ZNF536: variants seen among roughly 807,000 people sequenced by gnomAD.
ZNF536 encodes the protein zinc finger protein 536.
ZNF536 carries 13 observed loss-of-function variants against 84.5 expected under a neutral mutation model. The observed-to-expected ratio is 0.15, with a 90% CI of 0.10 to 0.24. The LOEUF is 0.24. Among genes scored for constraint, ZNF536 ranks in the 10% least tolerant of loss-of-function variants. ZNF536 has a pLI of 1.00. For synonymous variants in ZNF536, 811 were observed against 742.5 expected (o/e 1.09, Z -1.50); for missense variants, 1,536 against 1,747.5 (o/e 0.88, Z 2.16).
At chr19:30,309,507 A>G (rs2046435552) in intron 2 of ZNF536, among the ~76,000 whole-genome samples, 1 of 152,176 alleles carries the variant, frequency 6.6e-6, no homozygotes, top group African/African-American at 2.4e-5. Flanking sequence ...GCGGCTGAAA[A>G]GGCGCACTGC....
In ZNF536 at chr19:30,557,497, G is replaced by GTTTTTTAA; in HGVS notation, c.*334_*335insTTTTTAAT. On this transcript the variant is annotated 3_prime_UTR_variant, in exon 5 of 5. Transcript: ENST00000355537. ...TGCTGGATGACAGATCCCTTCACCT[G>GTTTTTTAA]TGGACAACCTGGCTGGGGGTGGGGG... is the stretch of plus-strand genomic sequence containing the variant. 1.7e-5 allele frequency: 4 copies of GTTTTTTAA among 232,232 alleles called. No homozygotes were observed. The highest frequency in any genetic ancestry group is 2.4e-4 in the South Asian group (2 of 8,356). The allele number at this position is 232,232 out of a possible 1,614,324, so 14.4% of individuals were successfully genotyped here. A position where few individuals can be genotyped will look rare whatever the true frequency, so the allele number is the denominator to read the frequency against.
chr19:30,487,183 A>G (rs1222911886), intron 2 of ZNF536, among the ~76,000 whole-genome samples: 1 of 152,204 alleles, frequency 6.6e-6, no homozygotes. Flanking sequence ...CTGAGAATCT[A>G]TTTTAAGAAA....
chr19:30,404,554 AT>A (rs1568396671), intron 1 of ZNF536, among the ~76,000 whole-genome samples: 29 of 152,300 alleles, frequency 1.9e-4, no homozygotes, highest in African/African-American at 7.0e-4. Flanking sequence ...AAACTCACTG[AT>A]AGAGTTTGAG....
At chr19:30,671,353 T>C (rs887664939) in intron 1 of ZNF536, among the ~76,000 whole-genome samples, 11 of 152,180 alleles carry the variant, frequency 7.2e-5, no homozygotes, top group African/African-American at 2.4e-4. Flanking sequence ...ACTGGAAAGG[T>C]TGGCCCAGCC....
intron 1 of ZNF536, among the ~76,000 whole-genome samples, chr19:30,635,517 C>T (rs984870757): frequency 3.3e-5 from 5 of 152,184 alleles, no homozygotes; most frequent in South Asian, 2.1e-4. Context: ...CCACCCTGTG[C>T]GGATCCTCGG....
intron 1 of ZNF536, among the ~76,000 whole-genome samples, chr19:30,410,156 C>T (rs1440641007): frequency 1.3e-5 from 2 of 152,014 alleles, no homozygotes; most frequent in African/African-American, 2.4e-5. Context: ...TAGTGCCATG[C>T]TTTGAAAATG....
At chr19:30,310,052 G>A (rs1197816258) in intron 2 of ZNF536, among the ~76,000 whole-genome samples, 1 of 152,082 alleles carries the variant, frequency 6.6e-6, no homozygotes, top group Admixed American at 6.5e-5. Context: ...GCAGGAGAGA[G>A]CTCCTTCTCC....
intron 1 of ZNF536, among the ~76,000 whole-genome samples, chr19:30,593,860 T>C (rs1165357477): frequency 6.6e-6 from 1 of 152,220 alleles, no homozygotes; most frequent in Non-Finnish European, 1.5e-5. Flanking sequence ...GAGGATGAGA[T>C]GGCTAGATTG....
At chr19:30,397,558 T>C (rs1276929146) in intron 1 of ZNF536, among the ~76,000 whole-genome samples, 2 of 152,196 alleles carry the variant, frequency 1.3e-5, no homozygotes, top group African/African-American at 4.8e-5. Flanking sequence ...TACAATTATC[T>C]CAAGACAAAA....
intron 1 of ZNF536, among the ~76,000 whole-genome samples, chr19:30,609,995 C>CACTT (rs2048045695): frequency 6.6e-6 from 1 of 152,030 alleles, no homozygotes; most frequent in Admixed American, 6.6e-5. Flanking sequence ...TCCACCCACC[C>CACTT]ATCTATCCAT....
intron 1 of ZNF536, among the ~76,000 whole-genome samples, chr19:30,385,529 A>G (rs1200279653): frequency 6.7e-6 from 1 of 148,330 alleles, no homozygotes; most frequent in Non-Finnish European, 1.5e-5. Flanking sequence ...TGCTTCACCC[A>G]CTGGTTCCAG....
At chr19:30,675,817 G>A (rs180894726) in intron 1 of ZNF536, among the ~76,000 whole-genome samples, 2 of 152,298 alleles carry the variant, frequency 1.3e-5, no homozygotes, top group African/African-American at 4.8e-5. Context: ...TCCATGAAAT[G>A]AGTGATCAAG....
intron 2 of ZNF536, among the ~76,000 whole-genome samples, chr19:30,517,491 C>G (rs2044129504): frequency 6.6e-6 from 1 of 152,086 alleles, no homozygotes; most frequent in Non-Finnish European, 1.5e-5. Context: ...CCCATGGGCT[C>G]AGCATTGGGA....
chr19:30,667,681 C>T (rs1046647400), intron 1 of ZNF536, among the ~76,000 whole-genome samples: 1 of 135,448 alleles, frequency 7.4e-6, no homozygotes, highest in Non-Finnish European at 1.5e-5. Flanking sequence ...TTCAGATTCC[C>T]AGAGTAAATG....
chr19:30,463,909 C>T (rs2053269666), intron 2 of ZNF536, among the ~76,000 whole-genome samples: 1 of 152,106 alleles, frequency 6.6e-6, no homozygotes, highest in African/African-American at 2.4e-5. Flanking sequence ...TCGGGACCCC[C>T]TCTCAGGGAC....
intron 1 of ZNF536, among the ~76,000 whole-genome samples, chr19:30,693,645 C>T (rs927878748): frequency 5.3e-5 from 8 of 152,030 alleles, no homozygotes; most frequent in Non-Finnish European, 8.8e-5. Flanking sequence ...ATGTCTGCCA[C>T]GTGACATTAG....
rs979093302 is a variant in ZNF536, at chr19:30,261,750, TA to T, written c.-189-22314del. Among the ~76,000 whole-genome samples the T allele has an allele frequency of 9.4e-5, 14 of 148,680 alleles. No homozygotes were observed. In the South Asian group the frequency reaches 1.1e-3, roughly 12 times the overall value. Reference sequence around the variant, plus strand: ...AAAAGTGAGTTGATTTAAAGTTAATTAAAAAAAAGTATTAAGTAAATAAAGG... The same window carrying T: ...AAAAGTGAGTTGATTTAAAGTTAATTAAAAAAAGTATTAAGTAAATAAAGG... On this transcript the variant is annotated intron_variant, in intron 1 of 5. Transcript: ENST00000585628.
At position 30,668,800 on chromosome 19, in the gene ZNF536, A is replaced by G. The variant is rs2050431028; in HGVS notation, c.170-41957A>G. On this transcript the variant is annotated intron_variant, in intron 1 of 1. Coordinates refer to the ZNF536 transcript ENST00000592773. ...TGTTGCTGTGATCACAGGAGCTCCC[A>G]ACTCATTCCACCTTCTCTAAGCCAG... 2.0e-5 allele frequency among the ~76,000 whole-genome samples: 3 copies of G among 152,256 alleles called. No homozygotes were observed. The South Asian group carries it at 6.2e-4, about 32-fold the overall frequency.
At chr19:30,407,110 C>T (rs970942513) in intron 1 of ZNF536, among the ~76,000 whole-genome samples, 6 of 152,160 alleles carry the variant, frequency 3.9e-5, no homozygotes, top group East Asian at 1.9e-4. Flanking sequence ...AAAGGATCAC[C>T]GGAACCAGGG....
Sources: gnomAD v4.1 joint callset for allele counts (sites outside exome capture counted in the v4.1 genomes callset) on GRCh38, gnomAD v4.1.1 for gene constraint, MANE v1.5 for transcripts, NCBI Gene and HGNC (gene_info 2026-07-23, HGNC 2026-07-21) for gene names.